The following NHSL2 variants were observed in gnomAD, a reference collection of about 807,000 sequenced individuals.
NHSL2 encodes NHS like 2.
NHSL2 carries 27 observed loss-of-function variants against 53.4 expected under a neutral mutation model. The ratio of observed to expected loss-of-function variants is 0.51; its 90% CI spans 0.37 to 0.70. NHSL2 has a LOEUF of 0.70. Ranked by LOEUF, NHSL2 falls within the 30% of genes least tolerant of loss-of-function variation. The pLI is 0.00. For synonymous variants in NHSL2, 408 were observed against 404.1 expected, an observed-to-expected ratio of 1.01 and a Z score of -0.12; for missense variants, 892 against 980.1, an observed-to-expected ratio of 0.91 and a Z score of 1.20.
chrX:72,134,355 G>C (rs2042336170), intron 3 of NHSL2, 137 bp downstream of exon 3: 2 of 845,787 alleles, frequency 2.4e-6, no homozygotes, highest in Admixed American at 6.5e-5. Context: ...ACTGGGATAG[G>C]CCCTGCACAG....
At chrX:72,114,974 G>A (rs183187498) in intron 1 of NHSL2, among the ~76,000 whole-genome samples, 53 of 112,324 alleles carry the variant, frequency 4.7e-4, no homozygotes, top group African/African-American at 1.6e-3. Context: ...AGTGACCTTT[G>A]AAGCAGCGAT....
intron 1 of NHSL2, among the ~76,000 whole-genome samples, chrX:71,977,496 A>C (rs138906502): frequency 8.4e-4 from 85 of 101,223 alleles, no homozygotes; most frequent in African/African-American, 3.0e-3. Context: ...ATCTTGACTT[A>C]CTGCAGTCTC....
At chrX:71,967,927 T>A (rs1374333484) in intron 1 of NHSL2, among the ~76,000 whole-genome samples, 1 of 110,842 alleles carries the variant, frequency 9.0e-6, no homozygotes, top group Non-Finnish European at 1.9e-5. Context: ...TTTTTCAGTG[T>A]GTTCAGCTTT....
intron 1 of NHSL2, among the ~76,000 whole-genome samples, chrX:72,110,066 A>G (rs1303532802): frequency 9.0e-6 from 1 of 111,673 alleles, no homozygotes; most frequent in Non-Finnish European, 1.9e-5. Context: ...TGCCGGGAAC[A>G]GAGGGGTGAA....
intron 1 of NHSL2, 127 bp downstream of exon 1, chrX:71,911,494 G>A: frequency 1.1e-5 from 6 of 568,607 alleles, no homozygotes; most frequent in Non-Finnish European, 1.5e-5. Flanking sequence ...CTCCATTCGG[G>A]GAGTGAGGGG....
intron 1 of NHSL2, among the ~76,000 whole-genome samples, chrX:71,971,342 A>G (rs957161771): frequency 8.9e-6 from 1 of 111,985 alleles, no homozygotes; most frequent in Non-Finnish European, 1.9e-5. Flanking sequence ...TATTATGTCC[A>G]TGTGTGTTAC....
intron 1 of NHSL2, among the ~76,000 whole-genome samples, chrX:72,000,233 C>T (rs190869280): frequency 2.7e-5 from 3 of 111,527 alleles, no homozygotes; most frequent in East Asian, 2.8e-4. Flanking sequence ...CTTCTCTGTG[C>T]GAGGCTGTAC....
At chrX:72,093,759 T>TTTCTTTCTTTC (rs1179696674) in intron 1 of NHSL2, among the ~76,000 whole-genome samples, 2 of 108,462 alleles carry the variant, frequency 1.8e-5, no homozygotes, top group African/African-American at 6.8e-5. Flanking sequence ...TCTTTCTTTC[T>TTTCTTTCTTTC]TTCTTTCTTT....
At chrX:72,101,001 C>T (rs1387322130) in intron 1 of NHSL2, among the ~76,000 whole-genome samples, 1 of 110,009 alleles carries the variant, frequency 9.1e-6, no homozygotes, top group Non-Finnish European at 1.9e-5. Flanking sequence ...TCTCTGTTCA[C>T]AGCGTCTCAT....
chrX:72,057,655 G>A (rs2042377071), intron 1 of NHSL2, among the ~76,000 whole-genome samples: 1 of 112,175 alleles, frequency 8.9e-6, no homozygotes, highest in East Asian at 2.8e-4. Flanking sequence ...GAGATTTTCA[G>A]AGTACAATTC....
intron 1 of NHSL2, among the ~76,000 whole-genome samples, chrX:72,063,266 C>A (rs1010362563): frequency 1.8e-5 from 2 of 112,543 alleles, no homozygotes; most frequent in African/African-American, 6.5e-5. Flanking sequence ...AACTAATCCC[C>A]GTGTTCCTTG....
chrX:72,086,364 G>A (rs757197529), intron 1 of NHSL2, among the ~76,000 whole-genome samples: 6 of 111,911 alleles, frequency 5.4e-5, no homozygotes, highest in South Asian at 3.7e-4. Context: ...ACAGGGAGGC[G>A]CAGGGGTCGG....
chrX:72,093,327 T>C (rs753164540), intron 1 of NHSL2, among the ~76,000 whole-genome samples: 1 of 112,611 alleles, frequency 8.9e-6, no homozygotes. Flanking sequence ...TTCTCTGGAC[T>C]GTTTACCCAG....
rs756078762 is a variant in NHSL2, at chrX:71,911,121, C to T, written c.34C>T (p.Arg12Cys). Residue 12 changes from arginine to cysteine, a missense_variant, in exon 1 of 8, where the codon CGC becomes TGC. Physicochemically the swap from Arg to Cys is radical, Grantham distance 180 (BLOSUM62 -3). Coordinates refer to ENST00000633930, the MANE Select transcript of NHSL2 (RefSeq NM_001013627.3). The stretch of plus-strand genomic sequence containing the variant: ...CTACAGGCGCACGGTGGTACCCCAG[C>T]GCCTGTGCCCGCGCAACCCGCCGCA... ...PFYRRTVVPQ[R>C]LCPRNPPQQL... 9.9e-5 allele frequency: 109 copies of T among 1,097,065 alleles called. No homozygotes were observed. The highest frequency in any genetic ancestry group is 1.1e-4 in the Non-Finnish European group (95 of 842,717). The allele number at this position is 1,097,065 out of a possible 1,213,427, so 90.4% of individuals were successfully genotyped here.
At chrX:72,124,741 G>T (rs1274574891) in intron 1 of NHSL2, among the ~76,000 whole-genome samples, 1 of 111,671 alleles carries the variant, frequency 9.0e-6, no homozygotes, top group Non-Finnish European at 1.9e-5. Context: ...TGCCTGATTG[G>T]TTTCCTCACT....
rs1330622500 is a variant in NHSL2, at chrX:72,134,655, G to A, written c.711G>A (p.Trp237Ter). 8.6e-7 allele frequency: 1 copy of A among 1,167,491 alleles called. No homozygotes were observed. Among genetic ancestry groups the A allele is most frequent in the Admixed American group, 2.6e-5 (1 of 38,881 alleles). The change falls in exon 4 of 8, where the codon TGG becomes TGA. Residue 237 changes from tryptophan (W) to a stop codon, truncating the protein, a stop_gained. Transcript: ENST00000633930. LOFTEE classifies it high-confidence loss of function. Reference sequence around the variant, plus strand: ...TGCCCATCCTAGAGGAGAAGCGGTGGCCTCAGCTTTGCTCCACGCAGTCTG... The same window carrying A: ...TGCCCATCCTAGAGGAGAAGCGGTGACCTCAGCTTTGCTCCACGCAGTCTG... ...FPLPILEEKR[W>*]PQLCSTQSDI...
intron 1 of NHSL2, among the ~76,000 whole-genome samples, chrX:72,076,196 G>A (rs1378408708): frequency 9.0e-6 from 1 of 111,355 alleles, no homozygotes; most frequent in Admixed American, 9.5e-5. Context: ...GCCTCCCAAA[G>A]TGCCGGGATT....
chrX:71,971,617 G>A (rs145591289), intron 1 of NHSL2, among the ~76,000 whole-genome samples: 2,352 of 111,295 alleles, frequency 0.021, 63 homozygotes, highest in African/African-American at 0.073. Context: ...TATATTTTAT[G>A]GAAAACAATG....
chrX:72,101,524 G>A (rs763311086), intron 1 of NHSL2, among the ~76,000 whole-genome samples: 7 of 110,456 alleles, frequency 6.3e-5, no homozygotes, highest in Admixed American at 4.8e-4. Context: ...CAAAGGTGGC[G>A]GTCGCATGCC....
Sources: allele counts gnomAD v4.1 joint callset (sites outside exome capture counted in the v4.1 genomes callset), GRCh38; gene constraint gnomAD v4.1.1; transcripts MANE v1.5; gene names NCBI Gene and HGNC (gene_info 2026-07-23, HGNC 2026-07-21).